The following STAU2 variants were observed in gnomAD, a reference collection of about 807,000 sequenced individuals.
STAU2 encodes staufen double-stranded RNA binding protein 2.
STAU2 carries 20 observed loss-of-function variants against 65.9 expected under a neutral mutation model. The ratio of observed to expected loss-of-function variants is 0.30; its 90% confidence interval spans 0.21 to 0.44. STAU2 has a LOEUF of 0.44. STAU2 is among the 20% of genes least tolerant of loss of function. STAU2 has a pLI of 1.00. For synonymous variants in STAU2, 232 were observed against 233.9 expected (o/e 0.99, Z 0.07); for missense variants, 558 against 683.9 (o/e 0.82, Z 2.05).
intron 6 of STAU2, among the ~76,000 whole-genome samples, chr8:73,627,233 A>AGGGG (rs1563467228): frequency 9.8e-4 from 5 of 5,082 alleles, no homozygotes; most frequent in South Asian, 9.3e-3. Flanking sequence ...AGGGGGGGGC[A>AGGGG]GGAGGGCGGG....
chr8:73,494,899 G>A (rs1186485272), intron 13 of STAU2, among the ~76,000 whole-genome samples: 1 of 151,536 alleles, frequency 6.6e-6, no homozygotes, highest in Non-Finnish European at 1.5e-5. Flanking sequence ...GCATGTGGAA[G>A]GAAAAGCAAA....
At chr8:73,702,435 T>G (rs998525364) in intron 4 of STAU2, among the ~76,000 whole-genome samples, 2 of 152,114 alleles carry the variant, frequency 1.3e-5, no homozygotes, top group Non-Finnish European at 2.9e-5. Context: ...TTTGTTCTTT[T>G]TCTTCACATA....
At chr8:73,721,715 T>G (rs1450453807) in intron 3 of STAU2, among the ~76,000 whole-genome samples, 4 of 152,230 alleles carry the variant, frequency 2.6e-5, no homozygotes, top group African/African-American at 4.8e-5. Flanking sequence ...AATATTAATA[T>G]AGCCACTCCA....
intron 13 of STAU2, among the ~76,000 whole-genome samples, chr8:73,468,886 A>T (rs1380430745): frequency 6.6e-6 from 1 of 152,344 alleles, no homozygotes; most frequent in Admixed American, 6.5e-5. Flanking sequence ...CCATTGTGGA[A>T]GACAGTATGG....
intron 13 of STAU2, among the ~76,000 whole-genome samples, chr8:73,443,882 TG>T (rs1160551144): frequency 6.6e-6 from 1 of 150,590 alleles, no homozygotes; most frequent in Non-Finnish European, 1.5e-5. Flanking sequence ...TTGTGATTTG[TG>T]ATCTGGATAC....
At chr8:73,577,293 T>C (rs1809637353) in intron 12 of STAU2, among the ~76,000 whole-genome samples, 1 of 151,948 alleles carries the variant, frequency 6.6e-6, no homozygotes, top group African/African-American at 2.4e-5. Flanking sequence ...CCGGGCGTGG[T>C]GGCAGGCGCC....
chr8:73,554,088 G>A (rs1175656088), intron 12 of STAU2, among the ~76,000 whole-genome samples: 1 of 152,104 alleles, frequency 6.6e-6, no homozygotes, highest in Non-Finnish European at 1.5e-5. Flanking sequence ...AAACTTTTAT[G>A]CTAGTCTAAT....
At chr8:73,506,383 C>A (rs1311665250) in intron 13 of STAU2, among the ~76,000 whole-genome samples, 2 of 152,056 alleles carry the variant, frequency 1.3e-5, no homozygotes, top group Non-Finnish European at 2.9e-5. Flanking sequence ...CAGACCACTG[C>A]AATAGAGTGA....
intron 13 of STAU2, among the ~76,000 whole-genome samples, chr8:73,471,522 T>TAAA (rs373805321): frequency 6.9e-4 from 94 of 136,292 alleles, no homozygotes; most frequent in African/African-American, 7.6e-4. Context: ...CTTCTGTAAT[T>TAAA]AAAAAAAAAA....
At chr8:73,669,230 A>G (rs1407792173) in intron 6 of STAU2, 2 of 603,288 alleles carry the variant, frequency 3.3e-6, no homozygotes, top group Admixed American at 2.8e-5. Flanking sequence ...GTAGCTTACT[A>G]GTACTTTCCG....
intron 13 of STAU2, among the ~76,000 whole-genome samples, chr8:73,484,654 T>C (rs563545652): frequency 3.3e-5 from 5 of 152,238 alleles, no homozygotes; most frequent in Admixed American, 1.3e-4. Flanking sequence ...TGCTTACCAA[T>C]ACCCAAGTTA....
chr8:73,615,430 T>C (rs1226382973), intron 8 of STAU2, among the ~76,000 whole-genome samples: 1 of 152,146 alleles, frequency 6.6e-6, no homozygotes, highest in Non-Finnish European at 1.5e-5. Context: ...ATAACTTTTA[T>C]AATAAAAATT....
At chr8:73,459,896 C>G (rs558348999) in intron 13 of STAU2, among the ~76,000 whole-genome samples, 2 of 152,276 alleles carry the variant, frequency 1.3e-5, no homozygotes, top group East Asian at 3.9e-4. Flanking sequence ...CTATCGGGCA[C>G]GGCTCCTTTG....
intron 13 of STAU2, among the ~76,000 whole-genome samples, chr8:73,545,940 C>A (rs1450324926): frequency 6.6e-6 from 1 of 151,800 alleles, no homozygotes; most frequent in African/African-American, 2.4e-5. Context: ...AGCCACCACA[C>A]CTGGCCCTAT....
At chr8:73,662,242 G>T (rs552550620) in intron 6 of STAU2, among the ~76,000 whole-genome samples, 1 of 152,256 alleles carries the variant, frequency 6.6e-6, no homozygotes, top group Admixed American at 6.5e-5. Flanking sequence ...TTAATGAGTT[G>T]TAGGTATTCC....
chr8:73,562,048 T>C (rs1808269096), intron 12 of STAU2, among the ~76,000 whole-genome samples: 1 of 152,202 alleles, frequency 6.6e-6, no homozygotes, highest in African/African-American at 2.4e-5. Flanking sequence ...TATCTATACA[T>C]TTAAGAAGTT....
intron 13 of STAU2, among the ~76,000 whole-genome samples, chr8:73,491,919 C>T (rs988292852): frequency 3.3e-5 from 5 of 151,824 alleles, no homozygotes; most frequent in Non-Finnish European, 5.9e-5. Flanking sequence ...TGTAAAAATA[C>T]GCAAGAGAAG....
At chr8:73,515,832 A>G (rs1822689745) in intron 13 of STAU2, among the ~76,000 whole-genome samples, 1 of 132,480 alleles carries the variant, frequency 7.5e-6, no homozygotes. Flanking sequence ...CCCAGGCTGG[A>G]AAGCAGTGGT....
intron 13 of STAU2, among the ~76,000 whole-genome samples, chr8:73,476,479 C>A (rs1820333065): frequency 6.6e-6 from 1 of 152,134 alleles, no homozygotes; most frequent in Non-Finnish European, 1.5e-5. Flanking sequence ...TATTTTTCAA[C>A]TGCCTTACTT....
Sources: allele counts gnomAD v4.1 joint callset (sites outside exome capture counted in the v4.1 genomes callset), GRCh38; gene constraint gnomAD v4.1.1; transcripts MANE v1.5; gene names NCBI Gene and HGNC (gene_info 2026-07-23, HGNC 2026-07-21).